NHLRC3: variants seen among roughly 807,000 people sequenced by gnomAD.
The protein encoded by NHLRC3 is NHL repeat-containing protein 3.
In NHLRC3, 23 loss-of-function variants were observed where a neutral mutation model predicts 32.0. That is an observed-to-expected ratio of 0.72 (90% confidence interval 0.52 to 1.02). The LOEUF (loss-of-function observed/expected upper bound fraction) is 1.02, where lower values mean the gene tolerates loss of function less well. NHLRC3 is among the 50% of genes least tolerant of loss of function. NHLRC3 has a pLI of 0.00. For synonymous variants in NHLRC3, 159 were observed against 147.9 expected, an observed-to-expected ratio of 1.08 and a Z score of -0.55; for missense variants, 407 against 406.8, an observed-to-expected ratio of 1.00 and a Z score of -0.01.
intron 4 of NHLRC3, among the ~76,000 whole-genome samples, chr13:39,042,965 A>T (rs945447667): frequency 3.3e-5 from 5 of 152,196 alleles, no homozygotes; most frequent in Non-Finnish European, 5.9e-5. Context: ...GCAGCAGAAA[A>T]TACAATTTGG....
chr13:39,038,396 A>G (rs1871283543), upstream of NHLRC3: 9 of 557,794 alleles, frequency 1.6e-5, no homozygotes, highest in Non-Finnish European at 2.6e-5. Context: ...GAAGCACCTG[A>G]CATGAGGGCG....
Position 39,047,845 on chromosome 13 carries a change from A to C in NHLRC3, c.963A>C (p.Ala321=), listed in dbSNP as rs1233578316. 2.5e-6 allele frequency: 4 copies of C among 1,613,910 alleles called. No homozygotes were observed. The highest frequency in any genetic ancestry group is 1.3e-5 in the African/African-American group (1 of 74,922). ...HLLEVDRKTG[A]VYVAEIGAKQ... ...TAGAAGTCGACAGAAAGACTGGAGC[A>C]GTCTATGTAGCAGAAATTGGAGCAA... is the stretch of plus-strand genomic sequence containing the variant. The change falls in exon 7 of 7, where the codon GCA becomes GCC. Residue 321 remains alanine, a synonymous_variant. Transcript: ENST00000379600.
At chr13:39,038,870 C>G in intron 1 of NHLRC3, 147 bp downstream of exon 1, 3 of 732,872 alleles carry the variant, frequency 4.1e-6, no homozygotes, top group Non-Finnish European at 7.1e-6. Flanking sequence ...CTGCCTTGAC[C>G]CTTTGAGTTT....
chr13:39,044,126 C>G lies in NHLRC3; in HGVS notation c.623C>G (p.Thr208Arg), dbSNP rs780184274. 1 of 1,613,800 alleles carries G rather than the reference C, an allele frequency of 6.2e-7. No individual in the cohort carries two copies. The highest frequency in any genetic ancestry group is 1.7e-5 in the Admixed American group (1 of 60,014). The change falls in exon 5 of 7, where the codon ACA becomes AGA. Residue 208 changes from threonine (T) to arginine (R), a missense_variant. Transcript: ENST00000379600. The stretch of plus-strand genomic sequence containing the variant: ...CTTTGGCTGCATGGAGAAAATGGGA[C>G]AGGGCCTGCTAAGTTCAACATACCT... The part of the protein sequence containing the change: ...MILWLHGENG[T>R]GPAKFNIPHS...
chr13:39,047,648 A>G (rs1566034817), intron 6 of NHLRC3, 26 bp from the exon 7 acceptor site: 2 of 1,590,810 alleles, frequency 1.3e-6, no homozygotes, highest in Non-Finnish European at 1.7e-6. Context: ...ACAGACATTT[A>G]TTATGTTAAA....
At chr13:39,046,103 G>A (rs912958368) in intron 5 of NHLRC3, among the ~76,000 whole-genome samples, 24 of 152,268 alleles carry the variant, frequency 1.6e-4, no homozygotes, top group African/African-American at 5.5e-4. Flanking sequence ...GCCAAGGTGG[G>A]CAGATCACGA....
In NHLRC3 at chr13:39,038,706, C is replaced by G; in HGVS notation, c.67C>G (p.Arg23Gly). The change falls in exon 1 of 7, where the codon CGT becomes GGT. Residue 23 changes from arginine to glycine, a missense_variant. By Grantham distance (125) the Arg-to-Gly change is moderately radical (BLOSUM62 -2). Coordinates refer to ENST00000379600, the MANE Select transcript of NHLRC3 (RefSeq NM_001012754.4). Reference protein sequence around the residue: ...FFLAFLVLHSRFCGSPVLRNF... With the variant: ...FFLAFLVLHSGFCGSPVLRNF... ...TCTTGCATTTTTGGTTTTGCATTCG[C>G]GTTTTTGTGGCTCTCCAGTGAGTTG... 6.2e-7 allele frequency: 1 copy of G among 1,613,912 alleles called. No homozygotes were observed. Among genetic ancestry groups the G allele is most frequent in the Non-Finnish European group, 8.5e-7 (1 of 1,179,814 alleles).
intron 3 of NHLRC3, 164 bp downstream of exon 3, chr13:39,039,875 A>T: frequency 1.8e-6 from 1 of 562,866 alleles, no homozygotes; most frequent in Non-Finnish European, 3.0e-6. Flanking sequence ...ACTTCTGTGG[A>T]ATTAAGAAAT....
In NHLRC3 at chr13:39,047,056, G is replaced by T. The variant is rs374434457; in HGVS notation, c.695G>T (p.Arg232Leu). ...DSAGRVWVAD[R>L]GNKRIQVFDK... is the part of the protein sequence containing the mutation. ...GTTTCTCAGGTGTGGGTTGCTGACC[G>T]AGGAAATAAAAGAATCCAAGTATTT... Residue 232 changes from arginine (R) to leucine (L), a missense_variant, in exon 6 of 7, where the codon CGA becomes CTA. Coordinates refer to ENST00000379600, the MANE Select transcript of NHLRC3 (RefSeq NM_001012754.4). 1.2e-6 allele frequency: 2 copies of T among 1,610,260 alleles called. No homozygotes were observed. The highest frequency in any genetic ancestry group is 1.7e-6 in the Non-Finnish European group (2 of 1,177,420).
At chr13:39,042,342 A>G (rs1391138891) in intron 4 of NHLRC3, 37 bp downstream of exon 4, 4 of 1,246,468 alleles carry the variant, frequency 3.2e-6, no homozygotes, top group South Asian at 1.3e-5. Context: ...AAAATATTAT[A>G]AATTGATTTT....
chr13:39,039,497 T>C, intron 2 of NHLRC3, 67 bp from the exon 3 acceptor site: 1 of 1,380,728 alleles, frequency 7.2e-7, no homozygotes, highest in Non-Finnish European at 1.0e-6. Flanking sequence ...ATTTTTTTTC[T>C]TCGCCAAGAT....
upstream of NHLRC3, chr13:39,038,422 A>C: frequency 3.5e-6 from 2 of 577,586 alleles, no homozygotes; most frequent in South Asian, 4.1e-5. Flanking sequence ...CCCGAAATGC[A>C]CACGAAGTCC....
chr13:39,039,233 G>T lies in NHLRC3; in HGVS notation c.182G>T (p.Gly61Val), dbSNP rs1336960258. 2 of 1,613,896 alleles carry T rather than the reference G, an allele frequency of 1.2e-6. No individual in the cohort carries two copies. Among genetic ancestry groups the T allele is most frequent in the Non-Finnish European group, 1.7e-6 (2 of 1,179,922 alleles). Residue 61 changes from glycine (G) to valine (V), a missense_variant, in exon 2 of 7, where the codon GGA becomes GTA. Gly to Val is a moderately radical substitution (Grantham distance 109, BLOSUM62 -3). Coordinates refer to ENST00000379600, the MANE Select transcript of NHLRC3 (RefSeq NM_001012754.4). ...GWPKHPEYFT[G>V]TTFCVAVDSL... The stretch of plus-strand genomic sequence containing the variant: ...CCTAAGCACCCAGAATATTTTACCG[G>T]AACAACATTTTGTGTTGCAGTTGAC...
chr13:39,039,189 C>T lies in NHLRC3; in HGVS notation c.138C>T (p.Tyr46=), dbSNP rs144108849. 1 of 1,612,926 alleles carries T rather than the reference C, an allele frequency of 6.2e-7. No individual in the cohort carries two copies. The part of the protein sequence containing the change: ...AVSWRTEKIL[Y]RLDVGWPKHP... The stretch of plus-strand genomic sequence containing the variant: ...CCTGGAGAACTGAGAAAATTCTTTA[C>T]CGGCTGGATGTGGGTTGGCCTAAGC... Residue 46 remains tyrosine (Y), a synonymous_variant, in exon 2 of 7, where the codon TAC becomes TAT. Coordinates refer to ENST00000379600, the MANE Select transcript of NHLRC3 (RefSeq NM_001012754.4).
In NHLRC3 at chr13:39,046,201, T is replaced by C. The variant is rs1372093795; in HGVS notation, c.679-839T>C. On this transcript the variant is annotated intron_variant, in intron 5 of 6. Coordinates refer to ENST00000379600, the MANE Select transcript of NHLRC3 (RefSeq NM_001012754.4). ...GGCGTGGTGGCGGGCGCCTGTAGTC[T>C]CAGCTACTCGGAGAGGCTGAGGCAG... Among the ~76,000 whole-genome samples, 20 of 152,136 alleles carry C rather than the reference T, an allele frequency of 1.3e-4. No homozygotes were observed. The South Asian group carries it at 1.7e-3, about 13-fold the overall frequency.
chr13:39,042,372 A>G, intron 4 of NHLRC3, 67 bp downstream of exon 4: 1 of 1,023,304 alleles, frequency 9.8e-7, no homozygotes, highest in Non-Finnish European at 1.5e-6. Flanking sequence ...GATATTTGGT[A>G]TAATGTTTTA....
chr13:39,041,041 A>T (rs952602570), intron 3 of NHLRC3: 1 of 152,194 alleles, frequency 6.6e-6, no homozygotes, highest in Non-Finnish European at 1.5e-5. Flanking sequence ...TTTTAAAAAT[A>T]AGACTTCCTT....
chr13:39,042,791 T>G (rs1332404729), intron 4 of NHLRC3, among the ~76,000 whole-genome samples: 11 of 152,174 alleles, frequency 7.2e-5, no homozygotes, highest in Non-Finnish European at 4.4e-5. Context: ...GAAACTAAAT[T>G]GCCTGGAGAA....
Position 39,039,241 on chromosome 13 carries a change from T to G in NHLRC3, c.190T>G (p.Phe64Val). ...CCCAGAATATTTTACCGGAACAACA[T>G]TTTGTGTTGCAGTTGACTCCCTCAA... Reference protein sequence around the residue: ...KHPEYFTGTTFCVAVDSLNGL... With the variant: ...KHPEYFTGTTVCVAVDSLNGL... The change falls in exon 2 of 7, where the codon TTT (phenylalanine) becomes GTT (valine). Residue 64 changes from phenylalanine (F) to valine (V), a missense_variant. Phe to Val is a conservative substitution (Grantham distance 50). Transcript: ENST00000379600. The G allele has an allele frequency of 6.2e-7, 1 of 1,614,050 alleles. No individual in the cohort carries two copies. Among genetic ancestry groups the G allele is most frequent in the Admixed American group, 1.7e-5 (1 of 60,028 alleles).
Sources: gnomAD v4.1 joint callset for allele counts (sites outside exome capture counted in the v4.1 genomes callset) on GRCh38, gnomAD v4.1.1 for gene constraint, MANE v1.5 for transcripts, NCBI Gene and HGNC (gene_info 2026-07-23, HGNC 2026-07-21) for gene names.